BRAF: variants seen among roughly 807,000 people sequenced by gnomAD.
BRAF encodes B-Raf proto-oncogene, serine/threonine kinase.
Under a neutral mutation model 104.6 loss-of-function variants are expected in BRAF, and 16 were observed. That is an observed-to-expected ratio of 0.15 (90% CI 0.10 to 0.23). BRAF has a LOEUF of 0.23. Ranked by LOEUF, BRAF falls within the 10% of genes least tolerant of loss-of-function variation. The pLI is 1.00. For missense variants in BRAF, 541 were observed against 937.3 expected, an observed-to-expected ratio of 0.58 and a Z score of 5.52; for synonymous variants, 310 against 341.6, an observed-to-expected ratio of 0.91 and a Z score of 1.02.
At chr7:140,843,637 C>T (rs1466184946) in intron 2 of BRAF, among the ~76,000 whole-genome samples, 2 of 152,148 alleles carry the variant, frequency 1.3e-5, no homozygotes, top group Non-Finnish European at 2.9e-5. Context: ...TATTTTTCAA[C>T]ATTTATTTAT....
At chr7:140,821,041 C>T (rs183873350) in intron 3 of BRAF, among the ~76,000 whole-genome samples, 2 of 152,330 alleles carry the variant, frequency 1.3e-5, no homozygotes, top group Admixed American at 1.3e-4. Context: ...CACTCAGTTG[C>T]TCAGGCTGGA....
chr7:140,763,481 T>C (rs1287677658), intron 14 of BRAF, among the ~76,000 whole-genome samples: 1 of 152,130 alleles, frequency 6.6e-6, no homozygotes, highest in Non-Finnish European at 1.5e-5. Context: ...CCCACCTCCT[T>C]CCCGGACGGG....
At chr7:140,878,149 T>C (rs962622563) in intron 1 of BRAF, among the ~76,000 whole-genome samples, 3 of 151,956 alleles carry the variant, frequency 2.0e-5, no homozygotes, top group East Asian at 1.9e-4. Context: ...AAAATACTTT[T>C]AGACAAATGA....
chr7:140,774,383 T>A (rs1800129433), intron 14 of BRAF, among the ~76,000 whole-genome samples: 1 of 152,206 alleles, frequency 6.6e-6, no homozygotes, highest in Non-Finnish European at 1.5e-5. Context: ...TGAAAATATA[T>A]CACCTCTTCA....
At chr7:140,818,479 A>G (rs1398899409) in intron 3 of BRAF, among the ~76,000 whole-genome samples, 2 of 151,948 alleles carry the variant, frequency 1.3e-5, no homozygotes, top group Non-Finnish European at 1.5e-5. Context: ...TGCCTGGCTA[A>G]TTTTTATACT....
chr7:140,921,026 T>C (rs1367723558), intron 1 of BRAF, among the ~76,000 whole-genome samples: 1 of 152,204 alleles, frequency 6.6e-6, no homozygotes, highest in Non-Finnish European at 1.5e-5. Flanking sequence ...TATCCCAGAA[T>C]ATTCCCTAGT....
At chr7:140,834,456 C>G (rs1010015379) in intron 3 of BRAF, 153 bp downstream of exon 3, 3 of 1,085,646 alleles carry the variant, frequency 2.8e-6, no homozygotes, top group Non-Finnish European at 4.0e-6. Context: ...GACTTTGCCA[C>G]CAAATAATTA....
intron 3 of BRAF, among the ~76,000 whole-genome samples, chr7:140,825,481 T>G (rs1378215651): frequency 6.6e-6 from 1 of 152,206 alleles, no homozygotes; most frequent in Non-Finnish European, 1.5e-5. Context: ...TAAGAAATCT[T>G]TGCCAAACCC....
At chr7:140,809,130 C>T in intron 3 of BRAF, 135 bp from the exon 4 acceptor site, 2 of 673,522 alleles carry the variant, frequency 3.0e-6, no homozygotes, top group Admixed American at 2.2e-5. Context: ...ATTTCTACAG[C>T]TAACTTAATA....
intron 16 of BRAF, among the ~76,000 whole-genome samples, 157 bp downstream of exon 15, chr7:140,753,118 T>G (rs928856213): frequency 1.3e-5 from 2 of 152,184 alleles, no homozygotes; most frequent in African/African-American, 2.4e-5. Context: ...AGAAAAAAGT[T>G]AAAAAATCTA....
chr7:140,757,995 G>GC (rs1798348741), intron 14 of BRAF: 1 of 152,134 alleles, frequency 6.6e-6, no homozygotes, highest in Non-Finnish European at 1.5e-5. Context: ...ATGCCATTTG[G>GC]CTAATTTATC....
At chr7:140,854,214 G>A (rs913658823) in intron 1 of BRAF, among the ~76,000 whole-genome samples, 2 of 152,144 alleles carry the variant, frequency 1.3e-5, no homozygotes, top group Non-Finnish European at 2.9e-5. Flanking sequence ...CCTCTATGAT[G>A]TGTTCACTGA....
intron 1 of BRAF, among the ~76,000 whole-genome samples, chr7:140,860,491 G>C (rs969279809): frequency 1.5e-5 from 2 of 133,368 alleles, no homozygotes; most frequent in Non-Finnish European, 3.1e-5. Flanking sequence ...AGAAAAAAAA[G>C]AAAATTAGTT....
At chr7:140,755,896 A>C (rs529863949) in intron 14 of BRAF, among the ~76,000 whole-genome samples, 21 of 152,062 alleles carry the variant, frequency 1.4e-4, no homozygotes, top group African/African-American at 4.8e-4. Context: ...TGGTCTTTGA[A>C]AGGAGGTTCT....
chr7:140,828,890 C>T (rs961422527), intron 3 of BRAF, among the ~76,000 whole-genome samples: 2 of 152,166 alleles, frequency 1.3e-5, no homozygotes, highest in Admixed American at 1.3e-4. Context: ...TTTCTCACTA[C>T]ACCCCTGCCA....
chr7:140,919,840 TG>T (rs920707278), intron 1 of BRAF, among the ~76,000 whole-genome samples: 7 of 150,852 alleles, frequency 4.6e-5, no homozygotes, highest in Admixed American at 1.3e-4. Context: ...GTTTTTTTTT[TG>T]TTTGTTTGTT....
intron 6 of BRAF, chr7:140,801,202 A>G: frequency 1.8e-6 from 1 of 543,698 alleles, no homozygotes; most frequent in Non-Finnish European, 3.2e-6. Flanking sequence ...TATAAAATAT[A>G]AATTAACTGT....
At chr7:140,809,889 T>C (rs1053528608) in intron 3 of BRAF, among the ~76,000 whole-genome samples, 25 of 139,088 alleles carry the variant, frequency 1.8e-4, no homozygotes, top group African/African-American at 8.2e-4. Context: ...AAAAGTAATC[T>C]CTCTGTATAT....
chr7:140,765,996 C>A (rs970180897), intron 14 of BRAF, among the ~76,000 whole-genome samples: 47 of 149,550 alleles, frequency 3.1e-4, no homozygotes, highest in Non-Finnish European at 6.6e-4. Flanking sequence ...AAGACACATG[C>A]ACACGTATGT....
Sources: allele counts gnomAD v4.1 joint callset (sites outside exome capture counted in the v4.1 genomes callset), GRCh38; gene constraint gnomAD v4.1.1; transcripts MANE v1.5; gene names NCBI Gene and HGNC (gene_info 2026-07-23, HGNC 2026-07-21).